Variants in TAX1BP1 observed in about 807,000 individuals in gnomAD.
TAX1BP1 encodes tax1-binding protein 1.
TAX1BP1 carries 62 observed loss-of-function variants against 97.7 expected under a neutral mutation model. The observed-to-expected ratio is 0.63, with a 90% CI of 0.52 to 0.78. The LOEUF is 0.78. Among genes scored for constraint, TAX1BP1 ranks in the 30% least tolerant of loss-of-function variants. TAX1BP1 has a pLI of 0.00. For missense variants in TAX1BP1, 867 were observed against 916.1 expected (o/e 0.95, Z 0.69); for synonymous variants, 340 against 304.2 (o/e 1.12, Z -1.23).
chr7:27,749,914 T>C (rs1787960528), intron 2 of TAX1BP1, among the ~76,000 whole-genome samples: 1 of 152,084 alleles, frequency 6.6e-6, no homozygotes, highest in Non-Finnish European at 1.5e-5. Context: ...CCCGCAGCCT[T>C]CCAAATAGCT....
intron 8 of TAX1BP1, among the ~76,000 whole-genome samples, chr7:27,790,313 A>G (rs1789657097): frequency 6.6e-6 from 1 of 151,974 alleles, no homozygotes; most frequent in Admixed American, 6.6e-5. Context: ...TTGATTGTTT[A>G]TAGTCTTCAG....
At chr7:27,823,944 T>G (rs1791075212) in intron 15 of TAX1BP1, among the ~76,000 whole-genome samples, 1 of 152,202 alleles carries the variant, frequency 6.6e-6, no homozygotes, top group Admixed American at 6.5e-5. Context: ...CAGAATTTCA[T>G]TCCTTTTGAA....
At chr7:27,824,082 C>T (rs1028062785) in intron 15 of TAX1BP1, among the ~76,000 whole-genome samples, 2 of 151,992 alleles carry the variant, frequency 1.3e-5, no homozygotes, top group East Asian at 1.9e-4. Context: ...AACATGGGTT[C>T]GTGATTGAAC....
intron 2 of TAX1BP1, 107 bp from the exon 3 acceptor site, chr7:27,757,919 CATATT>C: frequency 1.8e-6 from 1 of 550,568 alleles, no homozygotes; most frequent in East Asian, 3.1e-5. Context: ...GATTTGTAAA[CATATT>C]AAATGTATAT....
intron 1 of TAX1BP1, among the ~76,000 whole-genome samples, chr7:27,744,815 G>A (rs1025228577): frequency 1.8e-4 from 27 of 152,110 alleles, no homozygotes; most frequent in African/African-American, 5.5e-4. Context: ...ATAACTGAGT[G>A]CCCACTATAT....
Position 27,791,086 on chromosome 7 carries a change from C to T in TAX1BP1, c.1039-920C>T, listed in dbSNP as rs187997564. 5.9e-5 allele frequency among the ~76,000 whole-genome samples: 9 copies of T among 151,984 alleles called. No homozygotes were observed. The East Asian group carries it at 1.7e-3, about 29-fold the overall frequency. On this transcript the variant is annotated intron_variant, in intron 8 of 16. Coordinates refer to ENST00000396319, the MANE Select transcript of TAX1BP1 (RefSeq NM_006024.7). ...TGAATATATTACATATAATTTTCTT[C>T]TAGTTCTTTTTCTTCTCCTTTGACA...
chr7:27,805,698 A>G (rs1308380452), intron 13 of TAX1BP1, among the ~76,000 whole-genome samples: 1 of 152,104 alleles, frequency 6.6e-6, no homozygotes, highest in East Asian at 1.9e-4. Flanking sequence ...TTAGCCAGGC[A>G]TGGTGGCTCA....
intron 2 of TAX1BP1, among the ~76,000 whole-genome samples, chr7:27,754,392 A>G (rs1788132821): frequency 6.8e-6 from 1 of 148,096 alleles, no homozygotes; most frequent in South Asian, 2.1e-4. Context: ...TAATATATAT[A>G]ATATATAAAT....
intron 15 of TAX1BP1, among the ~76,000 whole-genome samples, chr7:27,820,291 GCCCTTCACTGTGAA>G (rs1021939456): frequency 5.3e-5 from 8 of 152,076 alleles, no homozygotes; most frequent in Non-Finnish European, 1.0e-4. Flanking sequence ...TTTCACATGA[GCCCTTCACTGTGAA>G]CCCCTAAACT....
intron 2 of TAX1BP1, among the ~76,000 whole-genome samples, chr7:27,753,902 A>AC: frequency 6.6e-6 from 1 of 152,218 alleles, no homozygotes; most frequent in Non-Finnish European, 1.5e-5. Flanking sequence ...ATAAAGGATG[A>AC]CTACTGTAGT....
chr7:27,772,315 G>A (rs894454960), intron 5 of TAX1BP1: 5 of 151,978 alleles, frequency 3.3e-5, no homozygotes, highest in Non-Finnish European at 7.4e-5. Context: ...CTGTTCCATG[G>A]TGTGAATCCT....
At chr7:27,783,359 G>A (rs1460435406) in intron 5 of TAX1BP1, among the ~76,000 whole-genome samples, 9 of 152,128 alleles carry the variant, frequency 5.9e-5, no homozygotes, top group Admixed American at 5.9e-4. Context: ...TGCTAAGAAC[G>A]ACGGAGCCAC....
At position 27,769,847 on chromosome 7, in the gene TAX1BP1, T is replaced by C. The variant is rs771711440; in HGVS notation, c.612+13T>C. 1.2e-5 allele frequency: 19 copies of C among 1,610,314 alleles called. No homozygotes were observed. Among genetic ancestry groups the C allele is most frequent in the Non-Finnish European group, 1.6e-5 (19 of 1,177,882 alleles). ...AGCAGAACAAAAGGTTAGTTGTGTCTTATGTAACTGATTGAAGTTGATAGT... is the reference window on the plus strand; with the variant it reads ...AGCAGAACAAAAGGTTAGTTGTGTCCTATGTAACTGATTGAAGTTGATAGT... On this transcript the variant is annotated intron_variant, in intron 5 of 16. Transcript: ENST00000396319.
At chr7:27,786,967 T>C (rs753220178) in intron 7 of TAX1BP1, among the ~76,000 whole-genome samples, 2 of 152,210 alleles carry the variant, frequency 1.3e-5, no homozygotes, top group Non-Finnish European at 2.9e-5. Context: ...ACATTGAAAC[T>C]AAATGATATC....
intron 10 of TAX1BP1, 43 bp downstream of exon 10, chr7:27,793,255 T>C: frequency 1.3e-6 from 2 of 1,486,310 alleles, no homozygotes; most frequent in Non-Finnish European, 1.8e-6. Flanking sequence ...GTGTTGTTAG[T>C]ATTTTTGTTC....
At chr7:27,816,821 A>G (rs1239138626) in intron 14 of TAX1BP1, 69 bp from the exon 15 acceptor site, 1 of 1,546,638 alleles carries the variant, frequency 6.5e-7, no homozygotes, top group African/African-American at 1.4e-5. Flanking sequence ...CCTGTTCATC[A>G]TATCTGTATA....
intron 1 of TAX1BP1, among the ~76,000 whole-genome samples, chr7:27,744,360 C>G (rs961893838): frequency 1.3e-5 from 2 of 152,130 alleles, no homozygotes; most frequent in African/African-American, 2.4e-5. Flanking sequence ...CTCCTGAACT[C>G]GTGATCCGCC....
At chr7:27,790,165 T>C (rs2128317454) in intron 8 of TAX1BP1, among the ~76,000 whole-genome samples, 1 of 152,090 alleles carries the variant, frequency 6.6e-6, no homozygotes, top group East Asian at 1.9e-4. Context: ...ATTTATACAT[T>C]TTTTCCTTTT....
intron 5 of TAX1BP1, among the ~76,000 whole-genome samples, chr7:27,782,041 T>C (rs1789278582): frequency 1.3e-5 from 2 of 152,112 alleles, no homozygotes; most frequent in Non-Finnish European, 2.9e-5. Context: ...TATAAAATAT[T>C]TTTTTCTCCA....
Sources: allele counts gnomAD v4.1 joint callset (sites outside exome capture counted in the v4.1 genomes callset), GRCh38; gene constraint gnomAD v4.1.1; transcripts MANE v1.5; gene names NCBI Gene and HGNC (gene_info 2026-07-23, HGNC 2026-07-21).